ITSN1: variants seen among roughly 807,000 people sequenced by gnomAD.
ITSN1 encodes the protein intersectin 1.
Under a neutral mutation model 239.8 loss-of-function variants are expected in ITSN1, and 58 were observed. The ratio of observed to expected loss-of-function variants is 0.24; its 90% CI spans 0.20 to 0.30. The LOEUF (loss-of-function observed/expected upper bound fraction) is 0.30. Ranked by LOEUF, ITSN1 falls within the 10% of genes least tolerant of loss-of-function variation. The probability of loss-of-function intolerance (pLI) is 1.00; values close to 1 mark genes in which losing one functional copy is unlikely to be tolerated. For synonymous variants in ITSN1, 780 were observed against 770.8 expected (o/e 1.01, Z -0.20); for missense variants, 1,558 against 2,103.3 (o/e 0.74, Z 5.07).
chr21:33,846,796 A>T (rs2075003147), intron 29 of ITSN1, among the ~76,000 whole-genome samples: 1 of 152,176 alleles, frequency 6.6e-6, no homozygotes, highest in South Asian at 2.1e-4. Flanking sequence ...CCTGTGCTTG[A>T]GTTTCCCTCC....
chr21:33,792,647 T>A (rs975028893), intron 16 of ITSN1, among the ~76,000 whole-genome samples: 1 of 152,178 alleles, frequency 6.6e-6, no homozygotes, highest in African/African-American at 2.4e-5. Context: ...GACTTCTTTC[T>A]CCCTAGGGTT....
chr21:33,866,491 C>T (rs1981607981), intron 32 of ITSN1, among the ~76,000 whole-genome samples: 1 of 96,522 alleles, frequency 1.0e-5, no homozygotes, highest in African/African-American at 2.7e-5. Flanking sequence ...TGTCCCTCCC[C>T]GCCCCTCTCC....
intron 11 of ITSN1, among the ~76,000 whole-genome samples, chr21:33,770,557 C>T (rs572477734): frequency 2.0e-5 from 3 of 152,178 alleles, no homozygotes; most frequent in Admixed American, 6.5e-5. Context: ...CAACAAAACT[C>T]CATATCCATC....
chr21:33,800,017 G>A lies in ITSN1; in HGVS notation c.2304+88G>A, dbSNP rs2071857458. The A allele has an allele frequency of 3.7e-6, 5 of 1,369,504 alleles. No homozygotes were observed. The East Asian group carries it at 1.2e-4, about 33-fold the overall frequency. 84.8% of individuals were successfully genotyped at this position (1,369,504 alleles called of 1,614,324 possible). On this transcript the variant is annotated intron_variant, in intron 19 of 39. Transcript: ENST00000381318. ...CACTTTATTCAACAATTGTGAGATT[G>A]TCAGTGAGTATGAAACCCAATAATC...
chr21:33,881,964 GA>G (rs1985008424), intron 34 of ITSN1, among the ~76,000 whole-genome samples: 1 of 132,524 alleles, frequency 7.5e-6, no homozygotes, highest in Non-Finnish European at 1.7e-5. Context: ...AAAAAAAAAA[GA>G]AAAGAAAAAA....
chr21:33,725,120 A>ATTTTT (rs1393697813), intron 4 of ITSN1, among the ~76,000 whole-genome samples: 1 of 118,732 alleles, frequency 8.4e-6, no homozygotes, highest in African/African-American at 3.4e-5. Flanking sequence ...AAAAAAAAAA[A>ATTTTT]TTTTTTTTTT....
chr21:33,856,851 C>A lies in ITSN1; in HGVS notation c.3777C>A (p.Val1259=). The A allele has an allele frequency of 6.2e-7, 1 of 1,613,786 alleles. No individual in the cohort carries two copies. The highest frequency in any genetic ancestry group is 1.1e-5 in the South Asian group (1 of 91,024). The stretch of plus-strand genomic sequence containing the variant: ...ACTATGTGAATGACCTGCAGCTGGT[C>A]ACAGAGGTAAGGGAGCTGGTGGGGC... ...EENYVNDLQL[V]TEIFQKPLME... The change falls in exon 30 of 40, where the codon GTC becomes GTA. Residue 1259 remains valine (V), a synonymous_variant. Transcript: ENST00000381318.
At chr21:33,652,836 T>G (rs1177275466) in intron 1 of ITSN1, among the ~76,000 whole-genome samples, 1 of 152,090 alleles carries the variant, frequency 6.6e-6, no homozygotes, top group Admixed American at 6.5e-5. Context: ...AATGTTTTGG[T>G]CTTGCATTCA....
In ITSN1 at chr21:33,882,204, C is replaced by G; in HGVS notation, c.4342-39C>G. The G allele has an allele frequency of 6.3e-7, 1 of 1,586,510 alleles. No individual in the cohort carries two copies. The highest frequency in any genetic ancestry group is 8.6e-7 in the Non-Finnish European group (1 of 1,160,014). On this transcript the variant is annotated intron_variant, in intron 34 of 39. Coordinates refer to ENST00000381318, the MANE Select transcript of ITSN1 (RefSeq NM_003024.3). This position sits in a 1 kb window ranked among gnomAD's most constrained non-coding sequence, Gnocchi z 4.5. ...GCCCATGCTTTCAGATGCGGAGAAA[C>G]AAAAATGCTACACTTTGGGTTTTGT...
At chr21:33,887,377 C>T (rs374059438) in intron 39 of ITSN1, among the ~76,000 whole-genome samples, 1 of 151,738 alleles carries the variant, frequency 6.6e-6, no homozygotes, top group Non-Finnish European at 1.5e-5. Flanking sequence ...TAATTATAAC[C>T]GAAGAAGTGA....
chr21:33,875,313 A>G (rs1451838207), intron 33 of ITSN1, 41 bp from the exon 34 acceptor site: 2 of 1,611,170 alleles, frequency 1.2e-6, no homozygotes, highest in Admixed American at 1.7e-5. Flanking sequence ...GCCCGCCCAC[A>G]TTGCCTAAAA....
chr21:33,827,488 A>G (rs922562616), intron 26 of ITSN1, among the ~76,000 whole-genome samples: 2 of 152,242 alleles, frequency 1.3e-5, no homozygotes, highest in African/African-American at 4.8e-5. Flanking sequence ...GAGCTGTAGG[A>G]TTATGGGCTC....
intron 1 of ITSN1, among the ~76,000 whole-genome samples, chr21:33,676,335 C>T (rs927090917): frequency 6.6e-6 from 1 of 152,066 alleles, no homozygotes; most frequent in African/African-American, 2.4e-5. Context: ...AGAACATCCC[C>T]TGTCACTTCA....
Position 33,826,848 on chromosome 21 carries a change from T to G in ITSN1, c.3214T>G (p.Leu1072Val). The stretch of plus-strand genomic sequence containing the variant: ...TGGAACTGCTGGGAAAACAGGGAGT[T>G]TAGGAAAAAAACCTGGTAAGTTACA... ...GSGTAGKTGSLGKKPEIAQVI... is the reference protein window; with the variant it reads ...GSGTAGKTGSVGKKPEIAQVI... The change falls in exon 26 of 40, where the codon TTA (leucine) becomes GTA (valine). Residue 1072 changes from leucine (L) to valine (V), a missense_variant. Physicochemically the swap from Leu to Val is conservative, Grantham distance 32. This residue lies in a region of ITSN1 where 576 missense variants were observed against 893.3 expected (regional missense o/e 0.64). Coordinates refer to ENST00000381318, the MANE Select transcript of ITSN1 (RefSeq NM_003024.3). The G allele has an allele frequency of 6.2e-7, 1 of 1,613,906 alleles. No homozygotes were observed. Among genetic ancestry groups the G allele is most frequent in the Non-Finnish European group, 8.5e-7 (1 of 1,179,818 alleles).
chr21:33,753,761 T>TAAAAAAAACA (rs1555900609), intron 7 of ITSN1, among the ~76,000 whole-genome samples: 1 of 81,770 alleles, frequency 1.2e-5, no homozygotes, highest in African/African-American at 5.7e-5. Flanking sequence ...GTCTCTTTCT[T>TAAAAAAAACA]AAAAAAAAAA....
intron 33 of ITSN1, among the ~76,000 whole-genome samples, chr21:33,871,933 A>G (rs763068451): frequency 6.6e-5 from 10 of 152,194 alleles, no homozygotes; most frequent in Non-Finnish European, 1.2e-4. Flanking sequence ...CACTGATAGT[A>G]CCTACTGCAT....
intron 19 of ITSN1, among the ~76,000 whole-genome samples, chr21:33,801,454 C>T (rs1348554392): frequency 6.6e-6 from 1 of 152,002 alleles, no homozygotes; most frequent in Non-Finnish European, 1.5e-5. Context: ...CAAGGCCAAA[C>T]ATCCCAAATT....
rs1440215655 is a variant in ITSN1 at position 33,697,090 on chromosome 21, T to C, written c.-32-21707T>C. Among the ~76,000 whole-genome samples the C allele has an allele frequency of 2.0e-5, 3 of 151,854 alleles. No homozygotes were observed. The South Asian group carries it at 6.2e-4, about 31-fold the overall frequency. On this transcript the variant is annotated intron_variant, in intron 1 of 39. Transcript: ENST00000381318. ...AAGACAACTTTTAGATTGTCTCTTT[T>C]TTTTTTTTTTGAGACGGATTCTCAC... is the stretch of plus-strand genomic sequence containing the variant.
intron 31 of ITSN1, among the ~76,000 whole-genome samples, chr21:33,862,043 A>C (rs1383426203): frequency 6.7e-6 from 1 of 149,032 alleles, no homozygotes. Flanking sequence ...CATGCCTGTA[A>C]TACAAACTAC....
Sources: gnomAD v4.1 joint callset for allele counts (sites outside exome capture counted in the v4.1 genomes callset) on GRCh38, gnomAD v4.1.1 for gene constraint, gnomAD v4.1.1 regional missense constraint, Gnocchi (gnomAD v3.1) non-coding constraint, MANE v1.5 for transcripts, NCBI Gene and HGNC (gene_info 2026-07-23, HGNC 2026-07-21) for gene names.